Variants in CSMD1 observed in about 807,000 individuals in gnomAD.
CSMD1 encodes the protein CUB and sushi domain-containing protein 1.
A neutral mutation model predicts 417.5 loss-of-function variants in CSMD1; 213 were observed. The observed-to-expected ratio is 0.51, with a 90% CI of 0.46 to 0.57. The LOEUF (loss-of-function observed/expected upper bound fraction) is 0.57. Among genes scored for constraint, CSMD1 ranks in the 20% least tolerant of loss-of-function variants. The pLI, the probability that CSMD1 is intolerant of heterozygous loss-of-function variation, is 0.00. For synonymous variants in CSMD1, 2,862 were observed against 1,736.8 expected, an observed-to-expected ratio of 1.65 and a Z score of -16.11; for missense variants, 6,923 against 4,529.7, an observed-to-expected ratio of 1.53 and a Z score of -15.17.
intron 26 of CSMD1, among the ~76,000 whole-genome samples, chr8:3,242,342 C>T (rs561560594): frequency 8.9e-4 from 134 of 150,866 alleles, no homozygotes; most frequent in African/African-American, 3.1e-3. Flanking sequence ...TAGAAAGACT[C>T]AGCGACGCTT....
At chr8:3,512,216 G>A (rs535763459) in intron 10 of CSMD1, among the ~76,000 whole-genome samples, 35 of 152,298 alleles carry the variant, frequency 2.3e-4, no homozygotes, top group Non-Finnish European at 4.3e-4. Flanking sequence ...ATTTACCACC[G>A]CTCCTCGCGG....
At chr8:3,285,388 C>CTTT (rs147849935) in intron 25 of CSMD1, among the ~76,000 whole-genome samples, 3 of 146,772 alleles carry the variant, frequency 2.0e-5, no homozygotes, top group Non-Finnish European at 3.0e-5. Flanking sequence ...TTTGTCAGAA[C>CTTT]TTTTTTTTTT....
chr8:3,849,356 G>A (rs774525062), intron 5 of CSMD1, among the ~76,000 whole-genome samples: 4 of 152,024 alleles, frequency 2.6e-5, no homozygotes, highest in Admixed American at 1.3e-4. Context: ...GAGAGAGGTG[G>A]GGTCCACTAC....
chr8:4,015,637 A>G (rs1354703050), intron 4 of CSMD1, among the ~76,000 whole-genome samples: 1 of 148,340 alleles, frequency 6.7e-6, no homozygotes, highest in Non-Finnish European at 1.5e-5. Flanking sequence ...CAGTCTCAAA[A>G]TAGATAAAAA....
chr8:3,523,550 CAT>C (rs1277519803), intron 10 of CSMD1, among the ~76,000 whole-genome samples: 3 of 152,116 alleles, frequency 2.0e-5, no homozygotes, highest in African/African-American at 4.8e-5. Context: ...CACCCAGACA[CAT>C]GTGCACACAG....
chr8:4,177,688 C>A (rs1584964395), intron 3 of CSMD1, among the ~76,000 whole-genome samples: 2 of 140,658 alleles, frequency 1.4e-5, no homozygotes, highest in Non-Finnish European at 3.1e-5. Flanking sequence ...GCTAGCAAGA[C>A]TAACAAAGAA....
intron 3 of CSMD1, among the ~76,000 whole-genome samples, chr8:4,358,006 C>G (rs912575822): frequency 1.3e-5 from 2 of 152,168 alleles, no homozygotes; most frequent in Non-Finnish European, 2.9e-5. Context: ...CCCTCCCCTT[C>G]CCATGGAACT....
intron 1 of CSMD1, among the ~76,000 whole-genome samples, chr8:4,843,691 A>T (rs1334112307): frequency 1.3e-5 from 2 of 152,142 alleles, no homozygotes; most frequent in Admixed American, 1.3e-4. Context: ...TATGTGTTTT[A>T]TCTACTCTTC....
At chr8:3,439,304 TA>T (rs1243284623) in intron 12 of CSMD1, among the ~76,000 whole-genome samples, 1,659 of 46,682 alleles carry the variant, frequency 0.036, 87 homozygotes, top group Non-Finnish European at 0.046. Flanking sequence ...TATATATATA[TA>T]TATATTTTTT....
intron 3 of CSMD1, among the ~76,000 whole-genome samples, chr8:4,073,359 GA>G (rs1257672165): frequency 6.6e-6 from 1 of 152,126 alleles, no homozygotes; most frequent in Non-Finnish European, 1.5e-5. Context: ...AGTCACATAA[GA>G]GCAAGGTCGT....
intron 5 of CSMD1, among the ~76,000 whole-genome samples, chr8:3,950,397 G>C (rs11136685): frequency 0.18 from 27,386 of 152,166 alleles, 3,133 homozygotes; most frequent in East Asian, 0.41. Context: ...GTTCCAATCG[G>C]CCTACGGGTC....
At chr8:4,185,545 C>T (rs567770249) in intron 3 of CSMD1, among the ~76,000 whole-genome samples, 26 of 152,086 alleles carry the variant, frequency 1.7e-4, no homozygotes, top group African/African-American at 6.3e-4. Flanking sequence ...GAAACATGCG[C>T]TAATTTTTTA....
intron 1 of CSMD1, among the ~76,000 whole-genome samples, chr8:4,668,375 A>G (rs376514829): frequency 6.6e-6 from 1 of 150,966 alleles, no homozygotes; most frequent in Non-Finnish European, 1.5e-5. Context: ...GTCTCTAGCC[A>G]CTGCCACACA....
chr8:4,385,788 G>A (rs1204743138), intron 3 of CSMD1, among the ~76,000 whole-genome samples: 1 of 152,106 alleles, frequency 6.6e-6, no homozygotes, highest in African/African-American at 2.4e-5. Context: ...GTTTGTATTT[G>A]TAGAGTGTTA....
At chr8:3,926,549 T>C (rs976770399) in intron 5 of CSMD1, among the ~76,000 whole-genome samples, 1 of 151,956 alleles carries the variant, frequency 6.6e-6, no homozygotes. Flanking sequence ...TGTTTCTTTT[T>C]TGATTTAATT....
chr8:2,988,019 T>C lies in CSMD1; in HGVS notation c.8378-9219A>G, dbSNP rs560727424. 1.3e-4 allele frequency among the ~76,000 whole-genome samples: 20 copies of C among 152,354 alleles called. No individual in the cohort carries two copies. In the South Asian group the frequency reaches 3.9e-3, roughly 30 times the overall value. On this transcript the variant is annotated intron_variant, in intron 54 of 69. Transcript: ENST00000635120. Reference sequence around the variant, plus strand: ...GGTATTAAGCCCCGCATGCGTTAGCTATTTTTCCTAAAACCTATTTTCCCC... The same window carrying C: ...GGTATTAAGCCCCGCATGCGTTAGCCATTTTTCCTAAAACCTATTTTCCCC...
At chr8:4,051,911 C>T (rs2554544) in intron 3 of CSMD1, among the ~76,000 whole-genome samples, 93,645 of 127,968 alleles carry the variant, frequency 0.73, 31,930 homozygotes, top group Non-Finnish European at 0.77. Context: ...TTCCTTCCTT[C>T]CTTTCTTTCT....
intron 23 of CSMD1, among the ~76,000 whole-genome samples, chr8:3,310,319 C>A (rs962991028): frequency 6.6e-6 from 1 of 151,906 alleles, no homozygotes; most frequent in East Asian, 1.9e-4. Context: ...GAAGTCTTTA[C>A]TGTTGTTATT....
chr8:3,669,393 C>A (rs1035225826), intron 7 of CSMD1, among the ~76,000 whole-genome samples: 13 of 152,130 alleles, frequency 8.5e-5, no homozygotes, highest in Admixed American at 3.9e-4. Flanking sequence ...GCTTCTTGGG[C>A]TGGCCAGTCT....
Sources: allele counts gnomAD v4.1 joint callset (sites outside exome capture counted in the v4.1 genomes callset), GRCh38; gene constraint gnomAD v4.1.1; transcripts MANE v1.5; gene names NCBI Gene and HGNC (gene_info 2026-07-23, HGNC 2026-07-21).